Variants in DDX60L observed in about 807,000 individuals in gnomAD.
The protein encoded by DDX60L is probable ATP-dependent RNA helicase DDX60-like.
A neutral mutation model predicts 211.6 loss-of-function variants in DDX60L; 191 were observed. The observed-to-expected ratio is 0.90, with a 90% CI of 0.80 to 1.02. DDX60L has a LOEUF of 1.02. Ranked by LOEUF, DDX60L falls within the 50% of genes least tolerant of loss-of-function variation. The pLI, the probability that DDX60L is intolerant of heterozygous loss-of-function variation, is 0.00. For synonymous variants in DDX60L, 706 were observed against 694.1 expected, an observed-to-expected ratio of 1.02 and a Z score of -0.27; for missense variants, 2,007 against 1,984.1, an observed-to-expected ratio of 1.01 and a Z score of -0.22.
rs1484791926 is a variant in DDX60L, at chr4:168,371,678, G to T, written c.4862C>A (p.Pro1621Gln). 3 of 1,605,804 alleles carry T rather than the reference G, an allele frequency of 1.9e-6. No individual in the cohort carries two copies. The highest frequency in any genetic ancestry group is 3.4e-5 in the Admixed American group (2 of 58,986). The change falls in exon 36 of 38, where the codon CCA becomes CAA. Residue 1621 changes from proline (P) to glutamine (Q), a missense_variant. Pro to Gln is a moderately conservative substitution (Grantham distance 76). Transcript: ENST00000682922. ...GAAATTGAGCACATATGCATTTAGT[G>T]GCATTCTCCTTCCTCGGTTATCTAA... ...WKLDNRGRRM[P>Q]LNAYVLNFYK...
intron 6 of DDX60L, 88 bp downstream of exon 6, chr4:168,457,804 C>G: frequency 2.9e-6 from 2 of 698,354 alleles, no homozygotes; most frequent in Non-Finnish European, 4.6e-6. Context: ...ACCCTTTAGT[C>G]TGGTCTAAGG....
chr4:168,445,434 A>G (rs1045161129), intron 9 of DDX60L, among the ~76,000 whole-genome samples: 36 of 151,822 alleles, frequency 2.4e-4, no homozygotes, highest in African/African-American at 7.5e-4. Context: ...ATTCACAGCC[A>G]AATTCTACCA....
At chr4:168,403,040 T>C (rs1397323409) in intron 25 of DDX60L, among the ~76,000 whole-genome samples, 2 of 152,248 alleles carry the variant, frequency 1.3e-5, no homozygotes, top group Non-Finnish European at 2.9e-5. Flanking sequence ...GGGGTACATT[T>C]GTTTCTAACT....
Position 168,471,901 on chromosome 4 carries a change from T to C in DDX60L, c.110A>G (p.Asn37Ser). Residue 37 changes from asparagine to serine, a missense_variant, in exon 4 of 38, where the codon AAT becomes AGT. Coordinates refer to ENST00000682922, the MANE Select transcript of DDX60L (RefSeq NM_001012967.3). ...SSILNDFVES[N>S]FFVIDGDSLL... ...GGAATCTCCATCAATCACAAAAAAA[T>C]TAGATTCCACAAAATCATTTAATAT... 6.2e-7 allele frequency: 1 copy of C among 1,609,004 alleles called. No homozygotes were observed. The highest frequency in any genetic ancestry group is 8.5e-7 in the Non-Finnish European group (1 of 1,178,672).
intron 22 of DDX60L, among the ~76,000 whole-genome samples, chr4:168,409,577 A>T (rs1748326663): frequency 6.6e-6 from 1 of 152,244 alleles, no homozygotes; most frequent in Non-Finnish European, 1.5e-5. Context: ...AGGGACAGAA[A>T]TGCCATTTGG....
chr4:168,427,724 G>C (rs1751689345), intron 13 of DDX60L, among the ~76,000 whole-genome samples: 1 of 152,122 alleles, frequency 6.6e-6, no homozygotes, highest in African/African-American at 2.4e-5. Flanking sequence ...GATCCCACTC[G>C]CTCTTTGGAG....
At chr4:168,425,760 C>A (rs149120850) in intron 14 of DDX60L, among the ~76,000 whole-genome samples, 1 of 151,914 alleles carries the variant, frequency 6.6e-6, no homozygotes, top group African/African-American at 2.4e-5. Flanking sequence ...CAGTGAGACT[C>A]CATCCCAAAA....
intron 35 of DDX60L, among the ~76,000 whole-genome samples, chr4:168,372,008 C>T (rs901688080): frequency 1.3e-5 from 2 of 152,056 alleles, no homozygotes; most frequent in East Asian, 1.9e-4. Flanking sequence ...TGGGCAGCAC[C>T]GCTGAGGGAA....
At chr4:168,454,076 G>A (rs747881605) in intron 7 of DDX60L, among the ~76,000 whole-genome samples, 1 of 152,006 alleles carries the variant, frequency 6.6e-6, no homozygotes, top group Admixed American at 6.6e-5. Context: ...CCTATGATGG[G>A]TGCTATTCAC....
intron 10 of DDX60L, among the ~76,000 whole-genome samples, chr4:168,433,935 T>A (rs76165074): frequency 6.6e-6 from 1 of 152,160 alleles, no homozygotes; most frequent in African/African-American, 2.4e-5. Flanking sequence ...CCAACAACCA[T>A]TATTTTGTCT....
rs1459991111 is a variant in DDX60L, at chr4:168,375,503, C to A, written c.4507G>T (p.Glu1503Ter). 3 of 1,610,352 alleles carry A rather than the reference C, an allele frequency of 1.9e-6. No individual in the cohort carries two copies. The highest frequency in any genetic ancestry group is 1.7e-6 in the Non-Finnish European group (2 of 1,178,516). ...QSKVILAELPEDFKAALYEYN... is the reference protein window; with the variant it reads ...QSKVILAELP ...TCATATAAAGCAGCTTTAAAATCCT[C>A]CGGGAGTTCGGCAAGGATCACCTAT... Residue 1503 changes from glutamate to a stop codon, truncating the protein, a stop_gained, in exon 34 of 38, where the codon GAG becomes TAG. Coordinates refer to ENST00000682922, the MANE Select transcript of DDX60L (RefSeq NM_001012967.3). LOFTEE classifies it high-confidence loss of function.
In DDX60L at chr4:168,448,685, T is replaced by A. The variant is rs781078178; in HGVS notation, c.1091A>T (p.Gln364Leu). The change falls in exon 9 of 38, where the codon CAA becomes CTA. Residue 364 changes from glutamine to leucine, a missense_variant. Gln to Leu is a moderately radical substitution (Grantham distance 113). Transcript: ENST00000682922. ...LNHVSDLYDE[Q>L]LLKNIAFYYE... ...GTAGAAGGCTATATTCTTTAACAATTGCTCATCATACAAGTCAGAAACATG... is the reference window on the plus strand; with the variant it reads ...GTAGAAGGCTATATTCTTTAACAATAGCTCATCATACAAGTCAGAAACATG... 6.3e-7 allele frequency: 1 copy of A among 1,595,228 alleles called. No individual in the cohort carries two copies.
chr4:168,435,983 T>C (rs1477286405), intron 10 of DDX60L, among the ~76,000 whole-genome samples: 1 of 152,166 alleles, frequency 6.6e-6, no homozygotes, highest in Non-Finnish European at 1.5e-5. Flanking sequence ...GCAAAACTTG[T>C]AGGAGTCCAA....
chr4:168,459,878 C>T (rs1449638534), intron 5 of DDX60L, among the ~76,000 whole-genome samples: 1 of 149,892 alleles, frequency 6.7e-6, no homozygotes, highest in African/African-American at 2.5e-5. Context: ...AAAAAAAAAC[C>T]TGGGGAAATA....
In DDX60L at chr4:168,419,397, C is replaced by T. The variant is rs766484046; in HGVS notation, c.2515G>A (p.Val839Ile). The part of the protein sequence containing the change: ...DYCHNVLNCQ[V>I]LITVPECFEI... ...AAACATTCCGGCACTGTAATAAGTA[C>T]CTACAAATATGAATGATTAGTGTAG... The change falls in exon 19 of 38, where the codon GTA becomes ATA. Residue 839 changes from valine (V) to isoleucine (I), a missense_variant and splice_region_variant. Coordinates refer to ENST00000682922, the MANE Select transcript of DDX60L (RefSeq NM_001012967.3). The T allele has an allele frequency of 5.1e-6, 8 of 1,572,832 alleles. No individual in the cohort carries two copies. In the South Asian group the frequency reaches 8.2e-5, roughly 16 times the overall value.
At position 168,456,163 on chromosome 4, in the gene DDX60L, A is replaced by G; in HGVS notation, c.724-11T>C. 2 of 1,489,186 alleles carry G rather than the reference A, an allele frequency of 1.3e-6. No individual in the cohort carries two copies. The highest frequency in any genetic ancestry group is 1.8e-6 in the Non-Finnish European group (2 of 1,112,410). The allele number at this position is 1,489,186 out of a possible 1,614,324, so 92.2% of individuals were successfully genotyped here. A position where few individuals can be genotyped will look rare whatever the true frequency, so the allele number is the denominator to read the frequency against. ...TAGAGTCTGATACGCCTATCAAAAA[A>G]GAAATTTCTTCAAATGTCAAATTAT... On this transcript the variant is annotated splice_polypyrimidine_tract_variant and intron_variant, in intron 6 of 37. Transcript: ENST00000682922.
intron 24 of DDX60L, 24 bp from the exon 25 acceptor site, chr4:168,404,130 TTA>T (rs1491214397): frequency 2.4e-6 from 3 of 1,248,138 alleles, no homozygotes; most frequent in Non-Finnish European, 1.0e-6. Flanking sequence ...TAAAAATTAT[TTA>T]AAAAAAAAAA....
intron 12 of DDX60L, among the ~76,000 whole-genome samples, chr4:168,432,169 A>G (rs1305848577): frequency 6.6e-6 from 1 of 151,784 alleles, no homozygotes; most frequent in African/African-American, 2.4e-5. Context: ...TATGCACACC[A>G]GATAATATAA....
chr4:168,442,311 C>G lies in DDX60L; in HGVS notation c.1139-819G>C, dbSNP rs112856961. On this transcript the variant is annotated intron_variant, in intron 9 of 37. Transcript: ENST00000682922. ...CTTTTGCGACGGGCTTAAAAAACGG[C>G]GCACCACGAGATTATATCCCGCACC... is the stretch of plus-strand genomic sequence containing the variant. Among the ~76,000 whole-genome samples the G allele has an allele frequency of 7.2e-5, 11 of 152,218 alleles. No individual in the cohort carries two copies. In the East Asian group the frequency reaches 1.4e-3, roughly 19 times the overall value.
Sources: gnomAD v4.1 joint callset for allele counts (sites outside exome capture counted in the v4.1 genomes callset) on GRCh38, gnomAD v4.1.1 for gene constraint, MANE v1.5 for transcripts, NCBI Gene and HGNC (gene_info 2026-07-23, HGNC 2026-07-21) for gene names.